TNNT2: variants seen among roughly 807,000 people sequenced by gnomAD.
TNNT2 encodes the protein troponin T2, cardiac type.
In TNNT2, 34 loss-of-function variants were observed where a neutral mutation model predicts 62.4. The observed-to-expected ratio is 0.54, with a 90% CI of 0.41 to 0.72. The LOEUF is 0.72. TNNT2 is among the 30% of genes least tolerant of loss of function. The pLI is 0.00. For missense variants in TNNT2, 275 were observed against 381.9 expected, an observed-to-expected ratio of 0.72 and a Z score of 2.33; for synonymous variants, 123 against 127.2, an observed-to-expected ratio of 0.97 and a Z score of 0.22.
At chr1:201,362,953 G>A (rs1189971796) in intron 12 of TNNT2, among the ~76,000 whole-genome samples, 1 of 152,204 alleles carries the variant, frequency 6.6e-6, no homozygotes, top group Non-Finnish European at 1.5e-5. Context: ...ATGTGGCAGA[G>A]CTGGGTCTCC....
intron 14 of TNNT2, among the ~76,000 whole-genome samples, 157 bp downstream of exon 14, chr1:201,361,756 C>T (rs542679250): frequency 6.6e-6 from 1 of 152,226 alleles, no homozygotes; most frequent in Admixed American, 6.5e-5. Flanking sequence ...GTTGGCCCGA[C>T]CTGCTGGGGC....
At chr1:201,359,475 C>G (rs45619932) in intron 16 of TNNT2, 148 bp downstream of exon 16, 4 of 1,000,266 alleles carry the variant, frequency 4.0e-6, no homozygotes, top group Middle Eastern at 2.5e-4. Context: ...CACGAGGCCC[C>G]GGAGGAGCCA....
intron 9 of TNNT2, 128 bp from the exon 10 acceptor site, chr1:201,365,435 G>T: frequency 8.5e-7 from 1 of 1,182,030 alleles, no homozygotes; most frequent in Non-Finnish European, 1.3e-6. Context: ...GCCAGGGAAG[G>T]GGTAACTGTG....
chr1:201,363,028 G>T, intron 12 of TNNT2: 1 of 836,832 alleles, frequency 1.2e-6, no homozygotes, highest in Non-Finnish European at 1.4e-6. Context: ...GGGGGCTCCT[G>T]AGCACTGCTG....
chr1:201,368,826 C>G lies in TNNT2; in HGVS notation c.98-599G>C, dbSNP rs549979028. On this transcript the variant is annotated intron_variant, in intron 5 of 16. Transcript: ENST00000656932. ...GCCTGTAGGAAGTGTTCTGTGATGC[C>G]TGTTCACTGATGCACTGGGAAGTGG... 3.3e-3 allele frequency among the ~76,000 whole-genome samples: 498 copies of G among 152,294 alleles called. 3 individuals are homozygous for G. Among genetic ancestry groups the G allele is most frequent in the Non-Finnish European group, 4.3e-3 (292 of 68,014 alleles).
intron 7 of TNNT2, chr1:201,367,207 G>T (rs1659824243): frequency 4.4e-6 from 2 of 457,870 alleles, no homozygotes; most frequent in East Asian, 4.5e-5. Flanking sequence ...AGGTCCCCAA[G>T]GGTCCTGGCC....
rs181991985 is a variant in TNNT2, at chr1:201,369,359, C to T, written c.97+457G>A. 7.5e-4 allele frequency: 355 copies of T among 473,902 alleles called. 1 individual carries two copies. The highest frequency in any genetic ancestry group is 6.7e-3 in the African/African-American group (335 of 50,272). 29.4% of individuals were successfully genotyped at this position (473,902 alleles called of 1,614,324 possible). On this transcript the variant is annotated intron_variant, in intron 5 of 16. Transcript: ENST00000656932. ...TTCCTGCTCTGGCTATTTCCAGTCT[C>T]CCTGGCTGCTCTCCAGAGGACTCTG...
At position 201,375,643 on chromosome 1, in the gene TNNT2, G is replaced by A. The variant is rs141059066; in HGVS notation, c.-15+1980C>T. Among the ~76,000 whole-genome samples the A allele has an allele frequency of 3.3e-5, 5 of 152,306 alleles. No individual in the cohort carries two copies. In the East Asian group the frequency reaches 9.7e-4, roughly 29 times the overall value. On this transcript the variant is annotated intron_variant, in intron 1 of 16. Transcript: ENST00000656932. The stretch of plus-strand genomic sequence containing the variant: ...CCTAGGATGGGTGGGGCTGACAATT[G>A]TTACCCAAAGCCCCAGGGGAGCGGC...
intron 1 of TNNT2, chr1:201,374,187 G>A (rs1661059029): frequency 6.6e-6 from 1 of 152,158 alleles, no homozygotes; most frequent in African/African-American, 2.4e-5. Flanking sequence ...TTGCCCTCGG[G>A]AGAAACTAGG....
intron 13 of TNNT2, 89 bp downstream of exon 13, chr1:201,362,297 A>C (rs1658819155): frequency 1.3e-6 from 2 of 1,569,176 alleles, no homozygotes; most frequent in Admixed American, 1.9e-5. Flanking sequence ...CAATCTCTTC[A>C]CTCCTCCCCT....
At chr1:201,361,108 T>C in intron 15 of TNNT2, 171 bp downstream of exon 15, 1 of 745,612 alleles carries the variant, frequency 1.3e-6, no homozygotes, top group Non-Finnish European at 2.4e-6. Flanking sequence ...GTCAATGCGG[T>C]GGACATGGAA....
At position 201,369,883 on chromosome 1, in the gene TNNT2, C is replaced by T. The variant is rs372135440; in HGVS notation, c.68-38G>A. ...GAGTGGCCGCAGCGGAGGGGAAAAGCGAGACAGGTTAGTCTGGGAGCAGAG... is the reference window on the plus strand; with the variant it reads ...GAGTGGCCGCAGCGGAGGGGAAAAGTGAGACAGGTTAGTCTGGGAGCAGAG... On this transcript the variant is annotated intron_variant, in intron 4 of 16. Coordinates refer to ENST00000656932, the MANE Select transcript of TNNT2 (RefSeq NM_001276345.2). 2.8e-4 allele frequency: 456 copies of T among 1,613,866 alleles called. 1 individual carries two copies. In the East Asian group the frequency reaches 3.4e-3, roughly 12 times the overall value.
chr1:201,371,805 G>A (rs1660645199), intron 4 of TNNT2, among the ~76,000 whole-genome samples: 1 of 152,202 alleles, frequency 6.6e-6, no homozygotes, highest in Admixed American at 6.5e-5. Context: ...CAGTGTGTTT[G>A]AAGCAAATGG....
intron 8 of TNNT2, chr1:201,366,467 G>A (rs1278677295): frequency 8.6e-7 from 1 of 1,156,524 alleles, no homozygotes; most frequent in Non-Finnish European, 1.1e-6. Flanking sequence ...TGCTGGCACG[G>A]TTTCATTGTT....
At chr1:201,365,092 C>T (rs556106477) in intron 10 of TNNT2, 99 bp downstream of exon 10, 101 of 1,035,206 alleles carry the variant, frequency 9.8e-5, no homozygotes, top group South Asian at 6.1e-4. Context: ...GGGTTTGAGG[C>T]GCCGAGGAAG....
chr1:201,373,350 G>C, intron 1 of TNNT2, 82 bp from the exon 2 acceptor site: 2 of 1,227,756 alleles, frequency 1.6e-6, no homozygotes, highest in Non-Finnish European at 2.4e-6. Context: ...GTTGTACAGA[G>C]ATCAGCGAGG....
chr1:201,359,334 G>T, intron 16 of TNNT2, 79 bp from the exon 17 acceptor site: 3 of 1,544,652 alleles, frequency 1.9e-6, no homozygotes, highest in African/African-American at 1.4e-5. Context: ...TAGGACTGGG[G>T]TGCCAAAGGG....
chr1:201,361,691 G>C (rs996289914), intron 14 of TNNT2, among the ~76,000 whole-genome samples: 16 of 152,272 alleles, frequency 1.1e-4, no homozygotes, highest in Admixed American at 1.0e-3. Context: ...GTGAAGCTCA[G>C]AGGGGTGGGG....
At chr1:201,368,039 G>C in intron 6 of TNNT2, 123 bp downstream of exon 6, 14 of 1,093,138 alleles carry the variant, frequency 1.3e-5, no homozygotes, top group Non-Finnish European at 1.8e-5. Context: ...TTGAATCTTA[G>C]TCAATAGGAG....
Sources: allele counts gnomAD v4.1 joint callset (sites outside exome capture counted in the v4.1 genomes callset), GRCh38; gene constraint gnomAD v4.1.1; transcripts MANE v1.5; gene names NCBI Gene and HGNC (gene_info 2026-07-23, HGNC 2026-07-21).